RBM26: variants seen among roughly 807,000 people sequenced by gnomAD.
The protein encoded by RBM26 is RNA binding motif protein 26.
In RBM26, 30 loss-of-function variants were observed where a neutral mutation model predicts 123.6. The observed-to-expected ratio is 0.24, with a 90% confidence interval of 0.18 to 0.33. The LOEUF is 0.33. Ranked by LOEUF, RBM26 falls within the 10% of genes least tolerant of loss-of-function variation. The pLI is 1.00. For synonymous variants in RBM26, 400 were observed against 404.4 expected (o/e 0.99, Z 0.13); for missense variants, 947 against 1,203.6 (o/e 0.79, Z 3.15).
intron 17 of RBM26, among the ~76,000 whole-genome samples, chr13:79,342,353 T>TAAA (rs1468134581): frequency 6.6e-6 from 1 of 151,860 alleles, no homozygotes; most frequent in Non-Finnish European, 1.5e-5. Context: ...ATTAACCCTC[T>TAAA]ATATCACCAA....
chr13:79,317,209 G>A (rs2067230963), downstream of RBM26, among the ~76,000 whole-genome samples: 1 of 151,602 alleles, frequency 6.6e-6, no homozygotes, highest in Non-Finnish European at 1.5e-5. Context: ...AAGCATGTAG[G>A]AACACTATAC....
At chr13:79,363,496 G>A (rs1407455609) in intron 9 of RBM26, among the ~76,000 whole-genome samples, 1 of 152,062 alleles carries the variant, frequency 6.6e-6, no homozygotes, top group Non-Finnish European at 1.5e-5. Flanking sequence ...TAAAATCACT[G>A]TTATTAATGG....
intron 3 of RBM26, among the ~76,000 whole-genome samples, chr13:79,372,879 T>A (rs1423744125): frequency 0.031 from 3,449 of 111,230 alleles, 885 homozygotes; most frequent in African/African-American, 0.053. Context: ...TTATAATATT[T>A]TATATGCTAT....
intron 17 of RBM26, 80 bp from the exon 18 acceptor site, chr13:79,341,307 C>T (rs916391276): frequency 1.4e-4 from 119 of 835,992 alleles, no homozygotes; most frequent in Admixed American, 3.2e-4. Context: ...GTAACTTTTA[C>T]GCAGTCCCAT....
At chr13:79,388,952 A>C (rs1444499159) in intron 1 of RBM26, among the ~76,000 whole-genome samples, 1 of 152,226 alleles carries the variant, frequency 6.6e-6, no homozygotes, top group Non-Finnish European at 1.5e-5. Context: ...GGAGCAACAA[A>C]TAAACGACCG....
At chr13:79,357,724 G>A (rs186149893) in intron 11 of RBM26, among the ~76,000 whole-genome samples, 19 of 152,172 alleles carry the variant, frequency 1.2e-4, no homozygotes, top group African/African-American at 4.6e-4. Context: ...TGTAAGATTG[G>A]ATTTTACCAG....
At chr13:79,394,996 C>T (rs138516889) in intron 1 of RBM26, among the ~76,000 whole-genome samples, 4 of 152,098 alleles carry the variant, frequency 2.6e-5, no homozygotes, top group Non-Finnish European at 5.9e-5. Context: ...CTGAATCAAA[C>T]GAAAGTTGTT....
At chr13:79,355,529 T>A in intron 11 of RBM26, 145 bp from the exon 12 acceptor site, 1 of 621,594 alleles carries the variant, frequency 1.6e-6, no homozygotes, top group South Asian at 2.2e-5. Flanking sequence ...TAGACCACAG[T>A]CTACTTTTAC....
At chr13:79,381,069 T>C (rs1445355322) in intron 1 of RBM26, among the ~76,000 whole-genome samples, 1 of 152,086 alleles carries the variant, frequency 6.6e-6, no homozygotes, top group Admixed American at 6.6e-5. Context: ...TACTCAACAA[T>C]TACTAACACT....
intron 9 of RBM26, among the ~76,000 whole-genome samples, chr13:79,363,968 A>C (rs1025652780): frequency 2.6e-5 from 4 of 152,178 alleles, no homozygotes; most frequent in African/African-American, 4.8e-5. Context: ...CTACATGCTA[A>C]ATAGTTATCC....
intron 1 of RBM26, among the ~76,000 whole-genome samples, chr13:79,396,624 T>C (rs2078587744): frequency 6.6e-6 from 1 of 152,046 alleles, no homozygotes; most frequent in Non-Finnish European, 1.5e-5. Context: ...ACAACAAAAA[T>C]TTCAGTCCCA....
chr13:79,381,209 G>C (rs9530912), intron 1 of RBM26, among the ~76,000 whole-genome samples: 9,296 of 152,040 alleles, frequency 0.061, 323 homozygotes, highest in Middle Eastern at 0.23. Flanking sequence ...TACACAGCAA[G>C]GAAATGAATC....
chr13:79,401,713 A>AT (rs1442823658), intron 1 of RBM26, among the ~76,000 whole-genome samples: 1 of 152,228 alleles, frequency 6.6e-6, no homozygotes, highest in Non-Finnish European at 1.5e-5. Context: ...CATGTGTCCC[A>AT]TTCAACCCTT....
At chr13:79,349,843 G>A (rs900927858) in intron 14 of RBM26, among the ~76,000 whole-genome samples, 7 of 151,778 alleles carry the variant, frequency 4.6e-5, no homozygotes, top group Non-Finnish European at 8.8e-5. Context: ...GATTACAGGC[G>A]CCCGCCACGA....
chr13:79,322,534 C>T (rs2067807254), intron 20 of RBM26, 72 bp from the exon 21 acceptor site: 2 of 980,062 alleles, frequency 2.0e-6, no homozygotes, highest in Non-Finnish European at 3.0e-6. Flanking sequence ...GTCATAGTGC[C>T]TAACATTAAA....
At chr13:79,390,442 G>A (rs2077860535) in intron 1 of RBM26, among the ~76,000 whole-genome samples, 1 of 152,168 alleles carries the variant, frequency 6.6e-6, no homozygotes, top group Non-Finnish European at 1.5e-5. Context: ...TCTAGAGGTA[G>A]GTGGGGGCAT....
intron 18 of RBM26, among the ~76,000 whole-genome samples, chr13:79,340,381 T>TG (rs1433670361): frequency 6.6e-6 from 1 of 152,020 alleles, no homozygotes; most frequent in Non-Finnish European, 1.5e-5. Context: ...GTCCAAAAAA[T>TG]GATCAAGTTG....
Position 79,405,684 on chromosome 13 carries a change from G to T in RBM26, c.71+20C>A. ...TCTCCCACTGCCATCCCTGCAAAGA[G>T]ATATCCCCCGGATACTCACATGGGC... On this transcript the variant is annotated intron_variant, in intron 1 of 21. Transcript: ENST00000438737. 6.4e-7 allele frequency: 1 copy of T among 1,562,758 alleles called. No homozygotes were observed. Among genetic ancestry groups the T allele is most frequent in the Non-Finnish European group, 8.7e-7 (1 of 1,144,082 alleles).
chr13:79,340,352 C>T lies in RBM26; in HGVS notation c.2532+771G>A, dbSNP rs544381412. Among the ~76,000 whole-genome samples the T allele has an allele frequency of 4.6e-5, 7 of 151,956 alleles. No homozygotes were observed. The South Asian group carries it at 1.5e-3, about 32-fold the overall frequency. Reference sequence around the variant, plus strand: ...TCTTTAATACCTGGATGGCAGTATTCAAAACAGATTTCTACCGTGTCCAAA... The same window carrying T: ...TCTTTAATACCTGGATGGCAGTATTTAAAACAGATTTCTACCGTGTCCAAA... On this transcript the variant is annotated intron_variant, in intron 18 of 21. Coordinates refer to ENST00000438737, the MANE Select transcript of RBM26 (RefSeq NM_001366735.2).
Sources: gnomAD v4.1 joint callset for allele counts (sites outside exome capture counted in the v4.1 genomes callset) on GRCh38, gnomAD v4.1.1 for gene constraint, MANE v1.5 for transcripts, NCBI Gene and HGNC (gene_info 2026-07-23, HGNC 2026-07-21) for gene names.